PRKDC: variants seen among roughly 807,000 people sequenced by gnomAD.
The protein encoded by PRKDC is DNA-dependent protein kinase catalytic subunit.
A neutral mutation model predicts 486.9 loss-of-function variants in PRKDC; 82 were observed. The ratio of observed to expected loss-of-function variants is 0.17; its 90% CI spans 0.14 to 0.20. PRKDC has a LOEUF of 0.20. Ranked by LOEUF, PRKDC falls within the 10% of genes least tolerant of loss-of-function variation. The pLI is 1.00. For synonymous variants in PRKDC, 1,895 were observed against 1,837.0 expected, an observed-to-expected ratio of 1.03 and a Z score of -0.81; for missense variants, 4,504 against 5,038.2, an observed-to-expected ratio of 0.89 and a Z score of 3.21.
At chr8:47,825,515 A>AC (rs2087717604) in intron 63 of PRKDC, among the ~76,000 whole-genome samples, 7 of 150,592 alleles carry the variant, frequency 4.6e-5, no homozygotes, top group African/African-American at 1.7e-4. Flanking sequence ...AAAAAAAAAA[A>AC]AAAAAAAAAA....
intron 22 of PRKDC, among the ~76,000 whole-genome samples, chr8:47,917,547 T>C (rs1452891417): frequency 6.6e-6 from 1 of 152,208 alleles, no homozygotes; most frequent in Non-Finnish European, 1.5e-5. Context: ...ACGTCATATT[T>C]TACTATCACA....
chr8:47,942,192 CAGTAAA>C (rs1305484761), intron 10 of PRKDC, among the ~76,000 whole-genome samples: 6 of 152,216 alleles, frequency 3.9e-5, no homozygotes, highest in Non-Finnish European at 5.9e-5. Flanking sequence ...TCATATGAAT[CAGTAAA>C]AAATAATTCC....
chr8:47,805,868 T>G (rs753650924), intron 69 of PRKDC, among the ~76,000 whole-genome samples: 3 of 152,122 alleles, frequency 2.0e-5, no homozygotes, highest in Admixed American at 6.5e-5. Flanking sequence ...TCTCTTGCCC[T>G]GCTCACTCCC....
intron 31 of PRKDC, among the ~76,000 whole-genome samples, chr8:47,892,645 T>C (rs1378772028): frequency 6.6e-6 from 1 of 152,190 alleles, no homozygotes. Flanking sequence ...AATCTTTAAA[T>C]ATGTACATCT....
intron 50 of PRKDC, among the ~76,000 whole-genome samples, chr8:47,854,957 C>A (rs8178158): frequency 6.6e-6 from 1 of 152,136 alleles, no homozygotes; most frequent in Non-Finnish European, 1.5e-5. Flanking sequence ...TCCCACCACC[C>A]TCTACCCCAT....
intron 12 of PRKDC, 118 bp from the exon 13 acceptor site, chr8:47,936,018 T>C: frequency 9.8e-7 from 1 of 1,023,092 alleles, no homozygotes; most frequent in Non-Finnish European, 1.4e-6. Context: ...AAAAACATGG[T>C]TTGTCATCTA....
At chr8:47,894,406 T>C (rs960727278) in intron 30 of PRKDC, among the ~76,000 whole-genome samples, 1 of 152,222 alleles carries the variant, frequency 6.6e-6, no homozygotes, top group Admixed American at 6.5e-5. Context: ...GATATTTAAA[T>C]TCTACATCAA....
Position 47,774,076 on chromosome 8 carries a change from G to T in PRKDC, c.*97C>A. ...GTAGCACAAAAGACATTTCTCTTTA[G>T]TGTTTCAGGAAAATCAGCTCATGGA... On this transcript the variant is annotated 3_prime_UTR_variant, in exon 86 of 86. Transcript: ENST00000314191. 1.6e-6 allele frequency: 2 copies of T among 1,227,456 alleles called. No individual in the cohort carries two copies. The highest frequency in any genetic ancestry group is 1.6e-5 in the South Asian group (1 of 61,276). 76.0% of individuals were successfully genotyped at this position (1,227,456 alleles called of 1,614,324 possible). A position where few individuals can be genotyped will look rare whatever the true frequency, so the allele number is the denominator to read the frequency against.
At position 47,817,530 on chromosome 8, in the gene PRKDC, T is replaced by G. The variant is rs748080021; in HGVS notation, c.9477A>C (p.Arg3159Ser). 20 of 1,605,394 alleles carry G rather than the reference T, an allele frequency of 1.2e-5. No individual in the cohort carries two copies. Among genetic ancestry groups the G allele is most frequent in the Middle Eastern group, 3.3e-4 (2 of 6,044 alleles). Residue 3159 changes from arginine (R) to serine (S), a missense_variant, in exon 68 of 86, where the codon AGA becomes AGC. Arg to Ser is a moderately radical substitution (Grantham distance 110). Coordinates refer to ENST00000314191, the MANE Select transcript of PRKDC (RefSeq NM_006904.7). Reference protein sequence around the residue: ...GNLSSQVPLKRLLNTWTNRYP... With the variant: ...GNLSSQVPLKSLLNTWTNRYP... Reference sequence around the variant, plus strand: ...ATCTGTTTGTCCAGGTGTTCAGAAGTCTCTTAAGGGGAACTTGAGATGATA... The same window carrying G: ...ATCTGTTTGTCCAGGTGTTCAGAAGGCTCTTAAGGGGAACTTGAGATGATA...
intron 40 of PRKDC, among the ~76,000 whole-genome samples, chr8:47,871,147 G>A (rs1589755624): frequency 6.6e-6 from 1 of 152,302 alleles, no homozygotes; most frequent in African/African-American, 2.4e-5. Flanking sequence ...GGTAGCGGGA[G>A]ACAGGGGTAG....
chr8:47,947,404 A>G (rs2090552211), intron 7 of PRKDC, among the ~76,000 whole-genome samples: 1 of 152,200 alleles, frequency 6.6e-6, no homozygotes, highest in South Asian at 2.1e-4. Flanking sequence ...CACTAGACTG[A>G]GCTCATGATG....
At chr8:47,898,081 G>A (rs1326768400) in intron 29 of PRKDC, among the ~76,000 whole-genome samples, 1 of 152,180 alleles carries the variant, frequency 6.6e-6, no homozygotes, top group Non-Finnish European at 1.5e-5. Context: ...TTCCATGTCT[G>A]TCAAAATGTT....
At chr8:47,780,970 GA>G (rs936663516) in intron 80 of PRKDC, among the ~76,000 whole-genome samples, 1 of 151,674 alleles carries the variant, frequency 6.6e-6, no homozygotes, top group Non-Finnish European at 1.5e-5. Context: ...GCTGAATTAA[GA>G]AAAAAAACAG....
rs2154503526 is a variant in PRKDC at position 47,929,839 on chromosome 8, C to T, written c.2052+14G>A. 1 of 1,587,636 alleles carries T rather than the reference C, an allele frequency of 6.3e-7. No homozygotes were observed. Among genetic ancestry groups the T allele is most frequent in the East Asian group, 2.2e-5 (1 of 44,600 alleles). ...AAAAAACGCAAGATTCAACATCCTG[C>T]AAGAAAGACTCACCTCGAAATATTT... On this transcript the variant is annotated intron_variant, in intron 18 of 85. Transcript: ENST00000314191.
In PRKDC at chr8:47,773,627, T is replaced by C. The variant is rs1165248756; in HGVS notation, c.*546A>G. 2.3e-5 allele frequency: 5 copies of C among 220,310 alleles called. No individual in the cohort carries two copies. The highest frequency in any genetic ancestry group is 3.6e-5 in the Non-Finnish European group (4 of 110,164). 13.6% of individuals were successfully genotyped at this position (220,310 alleles called of 1,614,324 possible). On this transcript the variant is annotated 3_prime_UTR_variant, in exon 86 of 86. Coordinates refer to ENST00000314191, the MANE Select transcript of PRKDC (RefSeq NM_006904.7). Reference sequence around the variant, plus strand: ...TGAAAGGAAAAAACCTAGAAAAATATCCTAAAATATCAAATGCAGTCATTT... The same window carrying C: ...TGAAAGGAAAAAACCTAGAAAAATACCCTAAAATATCAAATGCAGTCATTT...
At chr8:47,826,959 T>C in intron 62 of PRKDC, 98 bp from the exon 63 acceptor site, 4 of 1,167,560 alleles carry the variant, frequency 3.4e-6, no homozygotes, top group Admixed American at 2.8e-5. Context: ...AAGGTACCCA[T>C]GTGGGTAGTG....
intron 30 of PRKDC, among the ~76,000 whole-genome samples, chr8:47,895,257 A>G (rs1464151210): frequency 6.6e-6 from 1 of 152,222 alleles, no homozygotes; most frequent in East Asian, 1.9e-4. Context: ...TAAAGATACC[A>G]AAGGAGAAAG....
rs114905134 is a variant in PRKDC at position 47,798,528 on chromosome 8, C to G, written c.10298-131G>C. On this transcript the variant is annotated intron_variant, in intron 72 of 85. Coordinates refer to ENST00000314191, the MANE Select transcript of PRKDC (RefSeq NM_006904.7). Reference sequence around the variant, plus strand: ...GTCATTGTTCTCTTCTTAACTACCACTTTACACCAACAAACACCAGGTACA... The same window carrying G: ...GTCATTGTTCTCTTCTTAACTACCAGTTTACACCAACAAACACCAGGTACA... The G allele has an allele frequency of 1.2e-3, 1,154 of 963,378 alleles. 11 individuals carry two copies. The African/African-American group carries it at 0.017, about 14-fold the overall frequency. 59.7% of individuals were successfully genotyped at this position (963,378 alleles called of 1,614,324 possible). A position where few individuals can be genotyped will look rare whatever the true frequency, so the allele number is the denominator to read the frequency against.
At chr8:47,878,591 C>G (rs2089140122) in intron 39 of PRKDC, among the ~76,000 whole-genome samples, 1 of 152,156 alleles carries the variant, frequency 6.6e-6, no homozygotes, top group Admixed American at 6.5e-5. Flanking sequence ...CCAGGCCGCT[C>G]CCCCGATGTT....
Sources: gnomAD v4.1 joint callset for allele counts (sites outside exome capture counted in the v4.1 genomes callset) on GRCh38, gnomAD v4.1.1 for gene constraint, MANE v1.5 for transcripts, NCBI Gene and HGNC (gene_info 2026-07-23, HGNC 2026-07-21) for gene names.